Variants in PPFIBP1 observed in about 807,000 individuals in gnomAD.
PPFIBP1 encodes the protein PPFIB scaffold protein 1.
In PPFIBP1, 112 loss-of-function variants were observed where a neutral mutation model predicts 137.8. That is an observed-to-expected ratio of 0.81 (90% CI 0.70 to 0.95). PPFIBP1 has a LOEUF of 0.95. PPFIBP1 is among the 40% of genes least tolerant of loss of function. The probability of loss-of-function intolerance (pLI) is 0.00; values close to 1 mark genes in which losing one functional copy is unlikely to be tolerated. For synonymous variants in PPFIBP1, 378 were observed against 417.3 expected, an observed-to-expected ratio of 0.91 and a Z score of 1.15; for missense variants, 1,083 against 1,196.6, an observed-to-expected ratio of 0.91 and a Z score of 1.40.
chr12:27,657,047 A>C (rs1343859365), intron 9 of PPFIBP1: 1 of 210,384 alleles, frequency 4.8e-6, no homozygotes, highest in East Asian at 1.4e-4. Context: ...GGAGTTAAAA[A>C]GAACCATCCC....
At chr12:27,593,550 C>G (rs534136630) in intron 2 of PPFIBP1, 1 of 367,776 alleles carries the variant, frequency 2.7e-6, no homozygotes, top group Admixed American at 3.7e-5. Context: ...AGCTGCCGTA[C>G]AGCTGGAAAT....
At chr12:27,689,614 T>C (rs2061405062) in intron 27 of PPFIBP1, among the ~76,000 whole-genome samples, 2 of 152,152 alleles carry the variant, frequency 1.3e-5, no homozygotes, top group Admixed American at 1.3e-4. Context: ...CAGTTTTTTC[T>C]TGAAGCTCTC....
At chr12:27,647,095 G>A (rs747901384) in intron 5 of PPFIBP1, among the ~76,000 whole-genome samples, 12 of 152,238 alleles carry the variant, frequency 7.9e-5, no homozygotes, top group East Asian at 7.8e-4. Flanking sequence ...TCCACCTCCC[G>A]GATCCAAGCG....
intron 1 of PPFIBP1, among the ~76,000 whole-genome samples, chr12:27,526,184 T>C (rs772631780): frequency 6.6e-6 from 1 of 152,198 alleles, no homozygotes; most frequent in Non-Finnish European, 1.5e-5. Flanking sequence ...ACTGCATTTG[T>C]AATACCAAAA....
At chr12:27,672,381 T>C in intron 14 of PPFIBP1, 46 bp from the exon 15 acceptor site, 2 of 1,475,416 alleles carry the variant, frequency 1.4e-6, no homozygotes, top group Non-Finnish European at 1.9e-6. Flanking sequence ...ATATATGGTC[T>C]TTTATTCGTG....
chr12:27,665,213 T>C (rs768041160), intron 12 of PPFIBP1, among the ~76,000 whole-genome samples: 34 of 152,076 alleles, frequency 2.2e-4, no homozygotes, highest in Non-Finnish European at 4.6e-4. Flanking sequence ...AGCATGACCT[T>C]TGTAACACGT....
intron 11 of PPFIBP1, among the ~76,000 whole-genome samples, chr12:27,661,203 C>G (rs1431138335): frequency 6.6e-6 from 1 of 152,182 alleles, no homozygotes; most frequent in Non-Finnish European, 1.5e-5. Flanking sequence ...ATTCACGTGA[C>G]ATGTAAGAGA....
At chr12:27,640,832 G>A (rs1188583871) in intron 4 of PPFIBP1, among the ~76,000 whole-genome samples, 2 of 152,192 alleles carry the variant, frequency 1.3e-5, no homozygotes, top group Non-Finnish European at 1.5e-5. Flanking sequence ...TCTCCTCATA[G>A]TTCAGAGTCT....
chr12:27,542,250 AT>A (rs1279275688), intron 1 of PPFIBP1, among the ~76,000 whole-genome samples: 4 of 152,220 alleles, frequency 2.6e-5, no homozygotes, highest in Non-Finnish European at 4.4e-5. Flanking sequence ...GTCTTAAGTA[AT>A]CCAGAGATGA....
chr12:27,585,368 G>T (rs191839425), intron 2 of PPFIBP1, among the ~76,000 whole-genome samples: 3 of 152,296 alleles, frequency 2.0e-5, no homozygotes, highest in East Asian at 3.9e-4. Context: ...TCTACGCTGC[G>T]CTGTGTCTCC....
At chr12:27,593,058 G>A (rs540968054) in intron 2 of PPFIBP1, among the ~76,000 whole-genome samples, 3 of 143,966 alleles carry the variant, frequency 2.1e-5, no homozygotes, top group African/African-American at 7.8e-5. Context: ...CTTGAGCACG[G>A]GAAGTAGAGG....
chr12:27,598,039 A>G (rs2053523876), intron 2 of PPFIBP1, among the ~76,000 whole-genome samples: 1 of 152,070 alleles, frequency 6.6e-6, no homozygotes, highest in South Asian at 2.1e-4. Context: ...TCCTGACCTC[A>G]GGCGATCCAC....
At chr12:27,566,148 A>G (rs2049645940) in intron 1 of PPFIBP1, among the ~76,000 whole-genome samples, 1 of 152,072 alleles carries the variant, frequency 6.6e-6, no homozygotes, top group Non-Finnish European at 1.5e-5. Context: ...TATCGAATAC[A>G]TTTTTTAAAT....
chr12:27,550,085 G>A (rs768453012), intron 1 of PPFIBP1, among the ~76,000 whole-genome samples: 4 of 152,198 alleles, frequency 2.6e-5, no homozygotes, highest in Non-Finnish European at 5.9e-5. Flanking sequence ...CAAAACTGTT[G>A]TTAATATATG....
At chr12:27,692,060 C>G in intron 28 of PPFIBP1, 132 bp downstream of exon 28, 1 of 743,354 alleles carries the variant, frequency 1.3e-6, no homozygotes, top group Admixed American at 2.9e-5. Flanking sequence ...ATAGTGAACA[C>G]TTAGAGATCA....
intron 1 of PPFIBP1, chr12:27,552,707 G>T (rs1047795695): frequency 4.6e-5 from 7 of 152,188 alleles, no homozygotes; most frequent in Non-Finnish European, 8.8e-5. Flanking sequence ...ATTATTCAAT[G>T]ATACTTGTTA....
intron 1 of PPFIBP1, chr12:27,548,389 G>A (rs1946434114): frequency 6.6e-6 from 1 of 152,198 alleles, no homozygotes; most frequent in Admixed American, 6.5e-5. Context: ...ATCACCTTAT[G>A]TGATATTTTA....
chr12:27,642,373 T>G (rs1422567959), intron 4 of PPFIBP1, among the ~76,000 whole-genome samples: 1 of 152,218 alleles, frequency 6.6e-6, no homozygotes, highest in Non-Finnish European at 1.5e-5. Context: ...TAAAGTGATT[T>G]AGGCTTCTCT....
At chr12:27,676,993 T>C (rs1259861441) in intron 18 of PPFIBP1, 71 bp from the exon 19 acceptor site, 1 of 1,608,412 alleles carries the variant, frequency 6.2e-7, no homozygotes, top group East Asian at 2.2e-5. Context: ...TGATCTGCAT[T>C]TCATTTTGTC....
Sources: allele counts gnomAD v4.1 joint callset (sites outside exome capture counted in the v4.1 genomes callset), GRCh38; gene constraint gnomAD v4.1.1; transcripts MANE v1.5; gene names NCBI Gene and HGNC (gene_info 2026-07-23, HGNC 2026-07-21).